The following GK variants were observed in gnomAD, a reference collection of about 807,000 sequenced individuals.
GK encodes the protein glycerol kinase.
Under a neutral mutation model 56.4 loss-of-function variants are expected in GK, and 9 were observed. The observed-to-expected ratio is 0.16, with a 90% confidence interval of 0.10 to 0.28. GK has a LOEUF of 0.28. Among genes scored for constraint, GK ranks in the 10% least tolerant of loss-of-function variants. The pLI is 1.00. For missense variants in GK, 161 were observed against 431.4 expected (o/e 0.37, Z 5.55); for synonymous variants, 104 against 144.1 (o/e 0.72, Z 1.99).
intron 13 of GK, among the ~76,000 whole-genome samples, chrX:30,708,498 C>T (rs1936150084): frequency 9.1e-6 from 1 of 110,416 alleles, no homozygotes; most frequent in African/African-American, 3.3e-5. Flanking sequence ...TAAAATGCTC[C>T]AGTGTTCCAA....
chrX:30,664,440 C>T (rs1033124521), intron 1 of GK, among the ~76,000 whole-genome samples: 4 of 107,778 alleles, frequency 3.7e-5, no homozygotes, highest in South Asian at 3.9e-4. Context: ...CCTCGTGATC[C>T]GCCTGCCTCG....
chrX:30,674,704 A>T, intron 3 of GK, among the ~76,000 whole-genome samples: 1 of 111,190 alleles, frequency 9.0e-6, no homozygotes, highest in Non-Finnish European at 1.9e-5. Flanking sequence ...AAACTTTTAG[A>T]TACAGAGGGT....
intron 1 of GK, among the ~76,000 whole-genome samples, chrX:30,662,320 C>T (rs1028484612): frequency 1.8e-5 from 2 of 111,583 alleles, no homozygotes; most frequent in South Asian, 3.7e-4. Context: ...ATGTGGCTTG[C>T]GTTTTTGGTT....
intron 3 of GK, among the ~76,000 whole-genome samples, chrX:30,675,282 G>A (rs374745939): frequency 9.6e-5 from 10 of 104,679 alleles, no homozygotes; most frequent in Admixed American, 3.1e-4. Context: ...TGCAAGCTCC[G>A]CCTCCCAGGT....
chrX:30,688,392 A>C (rs963050345), intron 4 of GK, among the ~76,000 whole-genome samples: 5 of 109,145 alleles, frequency 4.6e-5, no homozygotes, highest in African/African-American at 1.7e-4. Flanking sequence ...TATTTTAAAG[A>C]ATATGCTCTT....
intron 1 of GK, among the ~76,000 whole-genome samples, chrX:30,662,431 G>A (rs755889757): frequency 3.0e-4 from 33 of 111,856 alleles, no homozygotes; most frequent in African/African-American, 1.1e-3. Context: ...CTCCATCCTG[G>A]TACATCCAAA....
At position 30,653,633 on chromosome X, in the gene GK, T is replaced by A; in HGVS notation, c.78+18T>A. ...GCTTTTTGGTGAGCCCGGGGTGACA[T>A]GTGAAGAGGCGCTGAGCCGGGGCGG... On this transcript the variant is annotated intron_variant, in intron 1 of 20. Transcript: ENST00000427190. 8.5e-7 allele frequency: 1 copy of A among 1,178,100 alleles called. No individual in the cohort carries two copies. The highest frequency in any genetic ancestry group is 1.8e-5 in the South Asian group (1 of 56,175).
intron 9 of GK, chrX:30,699,897 A>G (rs761796106): frequency 7.1e-5 from 8 of 112,489 alleles, no homozygotes; most frequent in African/African-American, 1.9e-4. Flanking sequence ...CAAATAATAT[A>G]CAATACCTGA....
chrX:30,684,539 G>A (rs1351722128), intron 4 of GK, among the ~76,000 whole-genome samples: 5 of 109,915 alleles, frequency 4.5e-5, no homozygotes, highest in African/African-American at 1.7e-4. Flanking sequence ...GGTAGCGCGT[G>A]CCTGTAATCC....
intron 13 of GK, among the ~76,000 whole-genome samples, chrX:30,714,764 C>A (rs1936525691): frequency 8.9e-6 from 1 of 111,952 alleles, no homozygotes; most frequent in South Asian, 3.7e-4. Flanking sequence ...TGGGAGCCAC[C>A]TTAATTAAAA....
chrX:30,696,741 A>C, intron 8 of GK, 58 bp downstream of exon 8: 1 of 877,708 alleles, frequency 1.1e-6, no homozygotes, highest in Non-Finnish European at 1.7e-6. Context: ...CAAACAAAAA[A>C]AAACCTAATA....
intron 1 of GK, among the ~76,000 whole-genome samples, chrX:30,660,801 T>C (rs1364247824): frequency 3.9e-5 from 4 of 103,569 alleles, no homozygotes; most frequent in African/African-American, 7.1e-5. Context: ...GATTTTTTTT[T>C]TTTCTTTCTT....
At chrX:30,665,816 A>G (rs889750596) in intron 2 of GK, among the ~76,000 whole-genome samples, 1 of 112,243 alleles carries the variant, frequency 8.9e-6, no homozygotes, top group Non-Finnish European at 1.9e-5. Context: ...AATAAAGCAA[A>G]AGAGTATTAA....
Position 30,727,499 on chromosome X carries a change from G to T in GK, c.1616G>T (p.Gly539Val). 1.7e-6 allele frequency: 2 copies of T among 1,197,237 alleles called. No individual in the cohort carries two copies. ...DPSIFCSLPL[G>V]FFIVSSMVML... ...AGTATCTTCTGTAGTCTGCCCTTGG[G>T]CTTTTTTATAGTGAGTAGCATGGTA... The change falls in exon 20 of 21, where the codon GGC (glycine) becomes GTC (valine). Residue 539 changes from glycine to valine, a missense_variant. Coordinates refer to ENST00000427190, the MANE Select transcript of GK (RefSeq NM_001205019.2).
rs1431908558 is a variant in GK at position 30,730,182 on chromosome X, A to G, written c.*1440A>G. Reference sequence around the variant, plus strand: ...TTAAAATTACTTTGTTTTGTAGTAAACAGTGAAGAAAAGATTGCCTCCTAA... The same window carrying G: ...TTAAAATTACTTTGTTTTGTAGTAAGCAGTGAAGAAAAGATTGCCTCCTAA... On this transcript the variant is annotated 3_prime_UTR_variant, in exon 21 of 21. Coordinates refer to ENST00000427190, the MANE Select transcript of GK (RefSeq NM_001205019.2). The G allele has an allele frequency of 8.9e-6, 1 of 112,275 alleles. No homozygotes were observed. Among genetic ancestry groups the G allele is most frequent in the Non-Finnish European group, 1.9e-5 (1 of 53,256 alleles). 9.3% of individuals were successfully genotyped at this position (112,275 alleles called of 1,213,427 possible).
intron 19 of GK, chrX:30,724,579 AT>A (rs1399816492): frequency 3.4e-6 from 1 of 294,791 alleles, no homozygotes; most frequent in Admixed American, 4.0e-5. Flanking sequence ...AGCTGTATTA[AT>A]TTCAGAATAT....
intron 15 of GK, 43 bp from the exon 16 acceptor site, chrX:30,719,968 G>A (rs1412898615): frequency 2.3e-6 from 2 of 872,334 alleles, no homozygotes; most frequent in South Asian, 2.0e-5. Flanking sequence ...AAATTGATTG[G>A]TTTATATCAT....
At chrX:30,720,145 T>C (rs1158523465) in intron 16 of GK, 50 bp downstream of exon 16, 1 of 744,870 alleles carries the variant, frequency 1.3e-6, no homozygotes, top group East Asian at 3.2e-5. Flanking sequence ...TTTATCACTC[T>C]TAAGTTATAT....
In GK at chrX:30,670,850, G is replaced by A. The variant is rs143876368; in HGVS notation, c.259+2732G>A. Among the ~76,000 whole-genome samples the A allele has an allele frequency of 5.9e-3, 646 of 109,141 alleles. 4 individuals are homozygous for A. Among genetic ancestry groups the A allele is most frequent in the African/African-American group, 0.02 (614 of 29,972 alleles). The allele number at this position is 109,141 out of a possible 115,157, so 94.8% of individuals were successfully genotyped here. On this transcript the variant is annotated intron_variant, in intron 3 of 20. Transcript: ENST00000427190. Reference sequence around the variant, plus strand: ...ATACAAAAATTAGCCAGGCGTGGTCGTGGGCACCTGTAATCCCAGCTACTT... The same window carrying A: ...ATACAAAAATTAGCCAGGCGTGGTCATGGGCACCTGTAATCCCAGCTACTT...
Sources: gnomAD v4.1 joint callset for allele counts (sites outside exome capture counted in the v4.1 genomes callset) on GRCh38, gnomAD v4.1.1 for gene constraint, MANE v1.5 for transcripts, NCBI Gene and HGNC (gene_info 2026-07-23, HGNC 2026-07-21) for gene names.